The following STON1 variants were observed in gnomAD, a reference collection of about 807,000 sequenced individuals.
STON1 encodes the protein stonin 1, also known as stonin-1.
In STON1, 79 loss-of-function variants were observed where a neutral mutation model predicts 60.9. That is an observed-to-expected ratio of 1.30 (90% CI 1.08 to 1.56). The LOEUF is 1.56. Among genes scored for constraint, STON1 ranks in the 40% most tolerant of loss-of-function variants. The probability of loss-of-function intolerance (pLI) is 0.00; values close to 1 mark genes in which losing one functional copy is unlikely to be tolerated. For synonymous variants in STON1, 363 were observed against 306.9 expected, an observed-to-expected ratio of 1.18 and a Z score of -1.91; for missense variants, 1,166 against 858.9, an observed-to-expected ratio of 1.36 and a Z score of -4.47.
intron 1 of STON1, among the ~76,000 whole-genome samples, chr2:48,561,758 C>T (rs1400467016): frequency 1.3e-5 from 2 of 152,204 alleles, no homozygotes; most frequent in East Asian, 3.8e-4. Context: ...CCCATTGGTA[C>T]AGAGTAATGC....
At chr2:48,570,929 C>G (rs1572961472) in intron 1 of STON1, among the ~76,000 whole-genome samples, 2 of 123,128 alleles carry the variant, frequency 1.6e-5, no homozygotes, top group East Asian at 5.4e-4. Context: ...GTGGAGTGAT[C>G]TTGGCTCACT....
At chr2:48,577,009 G>A (rs1160090810) in intron 1 of STON1, among the ~76,000 whole-genome samples, 2 of 151,026 alleles carry the variant, frequency 1.3e-5, no homozygotes, top group South Asian at 2.1e-4. Flanking sequence ...AGCCAAGATC[G>A]CGCCACTGCA....
rs187636934 is a variant in STON1 at position 48,535,666 on chromosome 2, A to T, written c.-48+5450A>T. ...AGAAGTCTGATCACAAATGATTGTCATTTTATTATAATCTGCCTTCTCCCT... is the reference window on the plus strand; with the variant it reads ...AGAAGTCTGATCACAAATGATTGTCTTTTTATTATAATCTGCCTTCTCCCT... On this transcript the variant is annotated intron_variant, in intron 1 of 3. Transcript: ENST00000404752. 7.9e-5 allele frequency among the ~76,000 whole-genome samples: 12 copies of T among 152,104 alleles called. No homozygotes were observed. The East Asian group carries it at 2.1e-3, about 27-fold the overall frequency.
chr2:48,568,173 G>A (rs1673028925), intron 1 of STON1, among the ~76,000 whole-genome samples: 1 of 152,108 alleles, frequency 6.6e-6, no homozygotes, highest in Non-Finnish European at 1.5e-5. Context: ...GAGAGGTGTC[G>A]ATGATGCCTT....
intron 1 of STON1, among the ~76,000 whole-genome samples, chr2:48,570,400 T>C (rs1308823481): frequency 2.0e-5 from 3 of 152,166 alleles, no homozygotes; most frequent in Non-Finnish European, 2.9e-5. Context: ...TTGTACAAAC[T>C]GTGTGCAAGT....
intron 1 of STON1, among the ~76,000 whole-genome samples, chr2:48,560,049 A>G (rs920917418): frequency 6.6e-6 from 1 of 152,194 alleles, no homozygotes; most frequent in Admixed American, 6.5e-5. Context: ...GTCTCCTCTC[A>G]AAACACTAAA....
intron 1 of STON1, among the ~76,000 whole-genome samples, chr2:48,540,848 G>A (rs193159075): frequency 2.0e-5 from 3 of 152,062 alleles, no homozygotes; most frequent in Non-Finnish European, 4.4e-5. Context: ...ACACCCAGCT[G>A]GTGTCTGTTG....
rs869188236 is a variant in STON1, at chr2:48,564,480, T to TTTCTTC, written c.-47-16024_-47-16019dup. On this transcript the variant is annotated intron_variant, in intron 1 of 3. Coordinates refer to ENST00000404752, the MANE Select transcript of STON1 (RefSeq NM_006873.4). ...CTTCTTCTTCTTCTTCTTCTTCTTC[T>TTTCTTC]TTCTTCTTCTTCTTCTTCTTCTTCT... 5.2e-4 allele frequency among the ~76,000 whole-genome samples: 17 copies of TTTCTTC among 32,486 alleles called. 2 individuals are homozygous for TTTCTTC. The highest frequency in any genetic ancestry group is 1.4e-3 in the South Asian group (1 of 710). 21.3% of individuals were successfully genotyped at this position (32,486 alleles called of 152,430 possible).
At chr2:48,578,003 C>A (rs556887446) in intron 1 of STON1, among the ~76,000 whole-genome samples, 1 of 149,904 alleles carries the variant, frequency 6.7e-6, no homozygotes, top group Non-Finnish European at 1.5e-5. Context: ...TTTTTTGAGA[C>A]GGAGTTTTGC....
Position 48,595,627 on chromosome 2 carries a change from T to C in STON1, c.*325T>C. On this transcript the variant is annotated 3_prime_UTR_variant, in exon 4 of 4. Transcript: ENST00000404752. The stretch of plus-strand genomic sequence containing the variant: ...TTGATTACTCAGTGGCTGACTGTTT[T>C]GCTCTCTGGATTACTGAGGTGCCGT... 3.3e-6 allele frequency: 1 copy of C among 305,956 alleles called. No homozygotes were observed. The highest frequency in any genetic ancestry group is 2.2e-5 in the African/African-American group (1 of 44,824). 19.0% of individuals were successfully genotyped at this position (305,956 alleles called of 1,614,324 possible). A position where few individuals can be genotyped will look rare whatever the true frequency, so the allele number is the denominator to read the frequency against.
At chr2:48,547,451 G>T (rs1217186101) in intron 1 of STON1, among the ~76,000 whole-genome samples, 3 of 152,202 alleles carry the variant, frequency 2.0e-5, no homozygotes, top group African/African-American at 7.2e-5. Flanking sequence ...CAACCTAGTT[G>T]TTAAGCAAAC....
intron 1 of STON1, among the ~76,000 whole-genome samples, chr2:48,551,976 GT>G (rs1672125050): frequency 6.6e-6 from 1 of 152,214 alleles, no homozygotes; most frequent in African/African-American, 2.4e-5. Flanking sequence ...GGTGTCCTGT[GT>G]TTTGGGTGGA....
At chr2:48,567,673 G>A (rs968997204) in intron 1 of STON1, among the ~76,000 whole-genome samples, 3 of 152,142 alleles carry the variant, frequency 2.0e-5, no homozygotes, top group Non-Finnish European at 4.4e-5. Flanking sequence ...AAAGTGCTGC[G>A]ATTACAGGCG....
rs990090981 is a variant in STON1, at chr2:48,595,902, C to T, written c.*600C>T. The T allele has an allele frequency of 3.9e-5, 6 of 152,270 alleles. No individual in the cohort carries two copies. The highest frequency in any genetic ancestry group is 2.6e-4 in the Admixed American group (4 of 15,274). The allele number at this position is 152,270 out of a possible 1,614,324, so 9.4% of individuals were successfully genotyped here. A position where few individuals can be genotyped will look rare whatever the true frequency, so the allele number is the denominator to read the frequency against. ...GGCTATATTTGGTACCTGTCTCTCT[C>T]CTACTGTATTGTCATTTTCAAAATG... On this transcript the variant is annotated 3_prime_UTR_variant, in exon 4 of 4. Transcript: ENST00000404752.
intron 1 of STON1, among the ~76,000 whole-genome samples, chr2:48,546,005 C>G (rs1671850343): frequency 1.3e-5 from 2 of 152,170 alleles, no homozygotes; most frequent in African/African-American, 4.8e-5. Flanking sequence ...ACAATTCTTT[C>G]TCTCCTCTTA....
intron 1 of STON1, among the ~76,000 whole-genome samples, chr2:48,549,810 C>CAAAAAAA (rs59908100): frequency 1.3e-5 from 1 of 78,082 alleles, no homozygotes; most frequent in Non-Finnish European, 2.3e-5. Context: ...GACTCCATCT[C>CAAAAAAA]AAAAAAAAAA....
At chr2:48,594,815 C>T (rs937238043) in intron 3 of STON1, among the ~76,000 whole-genome samples, 19 of 152,062 alleles carry the variant, frequency 1.2e-4, no homozygotes, top group African/African-American at 4.6e-4. Context: ...TGGCTTGTTT[C>T]AATTAGATAA....
intron 1 of STON1, among the ~76,000 whole-genome samples, chr2:48,572,620 GC>G (rs1673274351): frequency 6.6e-6 from 1 of 152,194 alleles, no homozygotes; most frequent in Admixed American, 6.5e-5. Flanking sequence ...AAATTTTGAA[GC>G]TACAAGGAAA....
intron 1 of STON1, among the ~76,000 whole-genome samples, chr2:48,560,486 A>G (rs2103824073): frequency 6.6e-6 from 1 of 152,340 alleles, no homozygotes; most frequent in South Asian, 2.1e-4. Flanking sequence ...AGATGCCAGC[A>G]GGCAGCCCTG....
Sources: gnomAD v4.1 joint callset for allele counts (sites outside exome capture counted in the v4.1 genomes callset) on GRCh38, gnomAD v4.1.1 for gene constraint, MANE v1.5 for transcripts, NCBI Gene and HGNC (gene_info 2026-07-23, HGNC 2026-07-21) for gene names.